Variants in TMCC3 observed in about 807,000 individuals in gnomAD.
The protein encoded by TMCC3 is transmembrane and coiled-coil domain protein 3.
In TMCC3, 28 loss-of-function variants were observed where a neutral mutation model predicts 40.2. The observed-to-expected ratio is 0.70, with a 90% CI of 0.52 to 0.95. The LOEUF (loss-of-function observed/expected upper bound fraction) is 0.95. Ranked by LOEUF, TMCC3 falls within the 40% of genes least tolerant of loss-of-function variation. The pLI, the probability that TMCC3 is intolerant of heterozygous loss-of-function variation, is 0.00. For missense variants in TMCC3, 554 were observed against 615.2 expected (o/e 0.90, Z 1.05); for synonymous variants, 255 against 248.5 (o/e 1.03, Z -0.25).
At chr12:94,597,117 T>TAAAAAAAAAAA (rs1265233755) in intron 1 of TMCC3, among the ~76,000 whole-genome samples, 3 of 79,286 alleles carry the variant, frequency 3.8e-5, no homozygotes, top group African/African-American at 1.5e-4. Context: ...CTGTCTCTAT[T>TAAAAAAAAAAA]AAAATACATA....
chr12:94,638,117 A>C (rs1461844588), intron 1 of TMCC3, among the ~76,000 whole-genome samples: 1 of 152,226 alleles, frequency 6.6e-6, no homozygotes, highest in Non-Finnish European at 1.5e-5. Context: ...CTATTGAAGA[A>C]TTTGAAGCAA....
chr12:94,633,115 G>GAAAGA (rs142623851), intron 1 of TMCC3, among the ~76,000 whole-genome samples: 6 of 151,888 alleles, frequency 4.0e-5, no homozygotes, highest in South Asian at 2.1e-4. Flanking sequence ...AAAAAGAAAA[G>GAAAGA]AAAGAAAAGA....
chr12:94,577,120 T>C (rs1471105806), intron 3 of TMCC3, among the ~76,000 whole-genome samples: 5 of 152,176 alleles, frequency 3.3e-5, no homozygotes, highest in South Asian at 2.1e-4. Flanking sequence ...TTTGCTAGTA[T>C]TGAGCACACA....
chr12:94,569,255 G>A lies in TMCC3; in HGVS notation c.*2180C>T, dbSNP rs964104178. 1 of 152,262 alleles carries A rather than the reference G, an allele frequency of 6.6e-6. No homozygotes were observed. The highest frequency in any genetic ancestry group is 6.5e-5 in the Admixed American group (1 of 15,280). The allele number at this position is 152,262 out of a possible 1,614,324, so 9.4% of individuals were successfully genotyped here. On this transcript the variant is annotated 3_prime_UTR_variant, in exon 4 of 4. Coordinates refer to ENST00000261226, the MANE Select transcript of TMCC3 (RefSeq NM_020698.4). Reference sequence around the variant, plus strand: ...CCAGGCCCCAGCTTGATTTAGGAGTGTAAGTTACACTCAGCACTCAGCCCA... The same window carrying A: ...CCAGGCCCCAGCTTGATTTAGGAGTATAAGTTACACTCAGCACTCAGCCCA...
Position 94,582,473 on chromosome 12 carries a change from G to C in TMCC3, c.144C>G (p.Thr48=), listed in dbSNP as rs2068610438. 2 of 1,613,756 alleles carry C rather than the reference G, an allele frequency of 1.2e-6. No individual in the cohort carries two copies. Among genetic ancestry groups the C allele is most frequent in the Non-Finnish European group, 1.7e-6 (2 of 1,179,998 alleles). Residue 48 remains threonine, a synonymous_variant, in exon 2 of 4, where the codon ACC becomes ACG. Transcript: ENST00000261226. ...CATCCGGGACATCAAAGTTGAGGTT[G>C]GTGTCTGACCCCCCTCGGCGTATGT... ...PLNIRRGGSD[T]NLNFDVPDGI...
At chr12:94,648,499 A>G (rs1311972512) in intron 1 of TMCC3, among the ~76,000 whole-genome samples, 2 of 152,234 alleles carry the variant, frequency 1.3e-5, no homozygotes, top group Non-Finnish European at 2.9e-5. Flanking sequence ...TGGTGGGATT[A>G]CAGGCATGAG....
chr12:94,578,006 A>G (rs1189800720), intron 3 of TMCC3, among the ~76,000 whole-genome samples: 3 of 151,744 alleles, frequency 2.0e-5, no homozygotes, highest in Non-Finnish European at 4.4e-5. Context: ...AAAATTAGCC[A>G]GGCATGGTGG....
chr12:94,589,783 C>G (rs937512157), intron 1 of TMCC3, among the ~76,000 whole-genome samples: 2 of 152,090 alleles, frequency 1.3e-5, no homozygotes, highest in African/African-American at 4.8e-5. Flanking sequence ...TCACACCAAC[C>G]CTTTTATGAG....
At chr12:94,634,387 A>G (rs1044174699) in intron 1 of TMCC3, among the ~76,000 whole-genome samples, 1 of 151,838 alleles carries the variant, frequency 6.6e-6, no homozygotes, top group South Asian at 2.1e-4. Flanking sequence ...TATTTCATCC[A>G]TTTCCTATTT....
chr12:94,640,604 A>G (rs2068984351), intron 1 of TMCC3, among the ~76,000 whole-genome samples: 1 of 152,206 alleles, frequency 6.6e-6, no homozygotes, highest in Non-Finnish European at 1.5e-5. Context: ...ATTTAGAAAT[A>G]TCAAGCAAAT....
chr12:94,597,124 C>CATATATATATATATATATATATATAT (rs869220054), intron 1 of TMCC3, among the ~76,000 whole-genome samples: 8 of 29,824 alleles, frequency 2.7e-4, no homozygotes, highest in Admixed American at 6.8e-4. Context: ...TATTAAAATA[C>CATATATATATATATATATATATATAT]ATATATATAT....
In TMCC3 at chr12:94,581,538, C is replaced by A. The variant is rs941629909; in HGVS notation, c.995+84G>T. On this transcript the variant is annotated intron_variant, in intron 2 of 3. Transcript: ENST00000261226. ...GTATCCGTGGTAATAAAAAAGTTTT[C>A]AAAATGAAAAAATAAAATAACATAA... 3 of 1,063,318 alleles carry A rather than the reference C, an allele frequency of 2.8e-6. No individual in the cohort carries two copies. In the East Asian group the frequency reaches 9.8e-5, roughly 35 times the overall value. The allele number at this position is 1,063,318 out of a possible 1,614,324, so 65.9% of individuals were successfully genotyped here.
At chr12:94,643,836 T>C (rs1251995313) in intron 1 of TMCC3, among the ~76,000 whole-genome samples, 1 of 152,250 alleles carries the variant, frequency 6.6e-6, no homozygotes, top group African/African-American at 2.4e-5. Context: ...AATCAAGCTC[T>C]GGAGTTGAGA....
chr12:94,631,036 C>A (rs968241846), intron 1 of TMCC3, among the ~76,000 whole-genome samples: 5 of 152,180 alleles, frequency 3.3e-5, no homozygotes, highest in Admixed American at 2.0e-4. Context: ...AGCCACGGTG[C>A]CCGGCATAAA....
At chr12:94,648,966 A>C (rs2069036363) in intron 1 of TMCC3, among the ~76,000 whole-genome samples, 1 of 152,244 alleles carries the variant, frequency 6.6e-6, no homozygotes, top group Non-Finnish European at 1.5e-5. Context: ...GCTATCCAAG[A>C]AGAAATGTCT....
At position 94,615,900 on chromosome 12, in the gene TMCC3, G is replaced by A. The variant is rs182531748; in HGVS notation, c.79-33362C>T. On this transcript the variant is annotated intron_variant, in intron 1 of 3. Coordinates refer to ENST00000261226, the MANE Select transcript of TMCC3 (RefSeq NM_020698.4). The stretch of plus-strand genomic sequence containing the variant: ...CATATTTACACACTCTGGCTGAAAC[G>A]GAAGAGTTGTGAAGAGACTTACCAA... 8 of 983,952 alleles carry A rather than the reference G, an allele frequency of 8.1e-6. No individual in the cohort carries two copies. The East Asian group carries it at 4.5e-4, about 56-fold the overall frequency. 61.0% of individuals were successfully genotyped at this position (983,952 alleles called of 1,614,324 possible).
intron 1 of TMCC3, among the ~76,000 whole-genome samples, chr12:94,638,309 T>A (rs1034567483): frequency 6.6e-6 from 1 of 152,216 alleles, no homozygotes; most frequent in Non-Finnish European, 1.5e-5. Flanking sequence ...CCTGAATATG[T>A]GCTCATATTA....
At chr12:94,633,239 C>T (rs1051412489) in intron 1 of TMCC3, among the ~76,000 whole-genome samples, 5 of 152,050 alleles carry the variant, frequency 3.3e-5, no homozygotes, top group African/African-American at 9.7e-5. Flanking sequence ...TGGATTCATC[C>T]AGTGTGTGAA....
In TMCC3 at chr12:94,594,104, C is replaced by T. The variant is rs146824413; in HGVS notation, c.79-11566G>A. Among the ~76,000 whole-genome samples, 21 of 152,082 alleles carry T rather than the reference C, an allele frequency of 1.4e-4. No homozygotes were observed. The East Asian group carries it at 3.1e-3, about 22-fold the overall frequency. The stretch of plus-strand genomic sequence containing the variant: ...CTGGGGACCCTGTGTACCTTGAAAA[C>T]GAGCAAGTTTGGGAAAGGGAAGTGT... On this transcript the variant is annotated intron_variant, in intron 1 of 3. Transcript: ENST00000261226.
Sources: allele counts gnomAD v4.1 joint callset (sites outside exome capture counted in the v4.1 genomes callset), GRCh38; gene constraint gnomAD v4.1.1; transcripts MANE v1.5; gene names NCBI Gene and HGNC (gene_info 2026-07-23, HGNC 2026-07-21).